Variants in CALN1 observed in about 807,000 individuals in gnomAD.
CALN1 encodes the protein calneuron 1, also known as calcium-binding protein 8.
In CALN1, 17 loss-of-function variants were observed where a neutral mutation model predicts 30.6. That is an observed-to-expected ratio of 0.56 (90% CI 0.38 to 0.83). CALN1 has a LOEUF of 0.83. CALN1 is among the 40% of genes least tolerant of loss of function. The pLI is 0.00. For synonymous variants in CALN1, 156 were observed against 131.4 expected, an observed-to-expected ratio of 1.19 and a Z score of -1.28; for missense variants, 291 against 354.9, an observed-to-expected ratio of 0.82 and a Z score of 1.45.
intron 6 of CALN1, among the ~76,000 whole-genome samples, chr7:71,800,166 GCTGCAGAATTCCTTCTGAC>G (rs547429420): frequency 2.2e-4 from 34 of 152,314 alleles, no homozygotes; most frequent in African/African-American, 8.2e-4. Flanking sequence ...CTTGGATTTG[GCTGCAGAATTCCTTCTGAC>G]CTTCCAGTGA....
chr7:72,161,206 T>C (rs567231383), intron 3 of CALN1, among the ~76,000 whole-genome samples: 3 of 152,310 alleles, frequency 2.0e-5, no homozygotes, highest in African/African-American at 7.2e-5. Context: ...CTGCCTTCAC[T>C]TGGGAAATCT....
chr7:72,270,391 C>T (rs1005765852), intron 3 of CALN1, among the ~76,000 whole-genome samples: 2 of 152,108 alleles, frequency 1.3e-5, no homozygotes, highest in African/African-American at 4.8e-5. Context: ...CCAAAAACCT[C>T]TGTGGATTTG....
chr7:71,894,775 T>C (rs1456549693), intron 5 of CALN1, among the ~76,000 whole-genome samples: 1 of 152,230 alleles, frequency 6.6e-6, no homozygotes, highest in African/African-American at 2.4e-5. Flanking sequence ...TTCACTTAAA[T>C]CAACTCTTAG....
At chr7:72,218,768 T>C (rs1427660536) in intron 3 of CALN1, among the ~76,000 whole-genome samples, 1 of 152,226 alleles carries the variant, frequency 6.6e-6, no homozygotes, top group African/African-American at 2.4e-5. Context: ...TGGACGTTAA[T>C]GAATGTGACC....
At chr7:71,969,795 T>C (rs1255150877) in intron 5 of CALN1, among the ~76,000 whole-genome samples, 3 of 151,490 alleles carry the variant, frequency 2.0e-5, no homozygotes, top group African/African-American at 7.3e-5. Flanking sequence ...GAATTAGGTG[T>C]GGGGCCAATG....
chr7:72,376,952 C>T (rs1203249483), intron 2 of CALN1, among the ~76,000 whole-genome samples: 1 of 152,172 alleles, frequency 6.6e-6, no homozygotes, highest in African/African-American at 2.4e-5. Flanking sequence ...CTGTTCTTTC[C>T]TCCATTGAAT....
intron 5 of CALN1, among the ~76,000 whole-genome samples, chr7:71,862,601 C>G (rs1791356277): frequency 6.6e-6 from 1 of 152,102 alleles, no homozygotes; most frequent in Non-Finnish European, 1.5e-5. Flanking sequence ...TCGGGTATGT[C>G]TTTATTAGCA....
intron 2 of CALN1, among the ~76,000 whole-genome samples, chr7:72,391,331 A>C (rs950029705): frequency 6.6e-6 from 1 of 152,190 alleles, no homozygotes; most frequent in Non-Finnish European, 1.5e-5. Context: ...TAATGATCAG[A>C]GGTATCCACA....
intron 2 of CALN1, among the ~76,000 whole-genome samples, chr7:72,383,484 T>C (rs567603983): frequency 2.5e-3 from 377 of 152,304 alleles, no homozygotes; most frequent in Non-Finnish European, 3.9e-3. Context: ...GATTTGCCTC[T>C]CTCTGGTGGT....
At chr7:71,924,893 T>A (rs1187785081) in intron 5 of CALN1, among the ~76,000 whole-genome samples, 1 of 152,220 alleles carries the variant, frequency 6.6e-6, no homozygotes, top group Non-Finnish European at 1.5e-5. Flanking sequence ...CAATTATTTT[T>A]AGGGTGAATC....
chr7:72,021,217 G>A (rs1800686790), intron 5 of CALN1, among the ~76,000 whole-genome samples: 1 of 152,114 alleles, frequency 6.6e-6, no homozygotes, highest in South Asian at 2.1e-4. Flanking sequence ...CAAGGCTGCA[G>A]TGAGCTATGG....
At chr7:71,964,225 C>T (rs1182243264) in intron 5 of CALN1, among the ~76,000 whole-genome samples, 1 of 152,178 alleles carries the variant, frequency 6.6e-6, no homozygotes, top group African/African-American at 2.4e-5. Flanking sequence ...TCTTTGCTGC[C>T]CTGCTGCTCA....
chr7:72,186,271 T>C (rs1790179769), intron 3 of CALN1, among the ~76,000 whole-genome samples: 1 of 152,050 alleles, frequency 6.6e-6, no homozygotes, highest in Non-Finnish European at 1.5e-5. Context: ...ATGGTGACTG[T>C]AGTTACAGCA....
chr7:71,833,856 T>A (rs2116438108), intron 5 of CALN1, among the ~76,000 whole-genome samples: 1 of 152,220 alleles, frequency 6.6e-6, no homozygotes, highest in South Asian at 2.1e-4. Context: ...AAGGCTGAGC[T>A]ATGATTGTGC....
intron 2 of CALN1, among the ~76,000 whole-genome samples, chr7:72,328,468 C>G (rs1801436742): frequency 6.6e-6 from 1 of 152,198 alleles, no homozygotes; most frequent in Non-Finnish European, 1.5e-5. Flanking sequence ...GCATGTGGTA[C>G]TACTGTGAGT....
intron 3 of CALN1, among the ~76,000 whole-genome samples, chr7:72,216,474 G>A (rs958889787): frequency 6.6e-6 from 1 of 151,974 alleles, no homozygotes. Flanking sequence ...GGGATTAGGA[G>A]GTGGCATCTT....
intron 5 of CALN1, among the ~76,000 whole-genome samples, chr7:71,987,791 GTC>G (rs1798752084): frequency 6.6e-6 from 1 of 152,164 alleles, no homozygotes; most frequent in African/African-American, 2.4e-5. Context: ...TAGCAGGCTC[GTC>G]TCTTTTTTAT....
chr7:71,971,945 A>AAAAGAAAGAAAGAAAGAAAGAAAG (rs1797829725), intron 5 of CALN1, among the ~76,000 whole-genome samples: 1 of 106,746 alleles, frequency 9.4e-6, no homozygotes, highest in Non-Finnish European at 1.8e-5. Flanking sequence ...AAAAAAAAAA[A>AAAAGAAAGAAAGAAAGAAAGAAAG]AAAAAAAAAA....
At chr7:72,064,678 G>T (rs1292509496) in intron 4 of CALN1, among the ~76,000 whole-genome samples, 2 of 152,150 alleles carry the variant, frequency 1.3e-5, no homozygotes, top group Non-Finnish European at 1.5e-5. Flanking sequence ...GATCCATGAT[G>T]CAAGACTCCT....
Sources: gnomAD v4.1 joint callset for allele counts (sites outside exome capture counted in the v4.1 genomes callset) on GRCh38, gnomAD v4.1.1 for gene constraint, MANE v1.5 for transcripts, NCBI Gene and HGNC (gene_info 2026-07-23, HGNC 2026-07-21) for gene names.